SCUBE2: variants seen among roughly 807,000 people sequenced by gnomAD.
SCUBE2 encodes signal peptide, CUB domain and EGF like domain containing 2.
SCUBE2 carries 114 observed loss-of-function variants against 125.9 expected under a neutral mutation model. The ratio of observed to expected loss-of-function variants is 0.91; its 90% confidence interval spans 0.78 to 1.06. SCUBE2 has a LOEUF of 1.06. Ranked by LOEUF, SCUBE2 falls within the 50% of genes least tolerant of loss-of-function variation. SCUBE2 has a pLI of 0.00. For synonymous variants in SCUBE2, 459 were observed against 492.9 expected, an observed-to-expected ratio of 0.93 and a Z score of 0.91; for missense variants, 1,255 against 1,301.8, an observed-to-expected ratio of 0.96 and a Z score of 0.55.
Position 9,089,731 on chromosome 11 carries a change from G to C in SCUBE2, c.232C>G (p.Gln78Glu), listed in dbSNP as rs536671206. Residue 78 changes from glutamine (Q) to glutamate (E), a missense_variant, in exon 2 of 23, where the codon CAA becomes GAA. This residue lies in a region of SCUBE2 where 362 missense variants were observed against 323.0 expected (regional missense o/e 1.12). Transcript: ENST00000649792. ...SYKCSCKPGY[Q>E]GEGRQCEDID... is the part of the protein sequence containing the mutation. ...CCCTCACACTGCCTGCCTTCCCCTT[G>C]GTAGCCAGGCTTGCAGGAGCACTTG... The C allele has an allele frequency of 1.2e-6, 2 of 1,613,766 alleles. No individual in the cohort carries two copies. The highest frequency in any genetic ancestry group is 2.2e-5 in the South Asian group (2 of 91,036).
Position 9,029,902 on chromosome 11 carries a change from T to G in SCUBE2, c.2485A>C (p.Asn829His). The G allele has an allele frequency of 6.2e-7, 1 of 1,614,174 alleles. No homozygotes were observed. The highest frequency in any genetic ancestry group is 1.1e-5 in the South Asian group (1 of 91,080). ...NTTTDFDGST[N>H]ITQCKNRRCG... is the part of the protein sequence containing the mutation. The stretch of plus-strand genomic sequence containing the variant: ...GACCTACTTTTACACTGGGTTATGT[T>G]TGTGGAGCCATCAAAGTCAGTCGTA... The change falls in exon 19 of 23, where the codon AAC (asparagine) becomes CAC (histidine). Residue 829 changes from asparagine to histidine, a missense_variant. Physicochemically the swap from Asn to His is moderately conservative, Grantham distance 68. This residue lies in a region of SCUBE2 where 515 missense variants were observed against 515.7 expected (regional missense o/e 1.00). Transcript: ENST00000649792.
intron 19 of SCUBE2, 128 bp downstream of exon 19, chr11:9,029,756 C>T (rs1856126893): frequency 1.0e-6 from 1 of 995,566 alleles, no homozygotes; most frequent in Middle Eastern, 2.2e-4. Flanking sequence ...TGGCTGTGAG[C>T]TGGGCTCATA....
At chr11:9,037,470 A>T (rs1856837311) in intron 16 of SCUBE2, among the ~76,000 whole-genome samples, 1 of 152,244 alleles carries the variant, frequency 6.6e-6, no homozygotes, top group African/African-American at 2.4e-5. Context: ...TTCAGGCTAT[A>T]GACAAACACT....
intron 16 of SCUBE2, among the ~76,000 whole-genome samples, chr11:9,043,082 T>A (rs893122512): frequency 6.6e-6 from 1 of 152,184 alleles, no homozygotes; most frequent in Non-Finnish European, 1.5e-5. Flanking sequence ...CTTAGCAACA[T>A]ATCCAAGGTT....
At chr11:9,040,607 G>T (rs543870717) in intron 16 of SCUBE2, among the ~76,000 whole-genome samples, 3 of 150,384 alleles carry the variant, frequency 2.0e-5, no homozygotes, top group Admixed American at 6.6e-5. Flanking sequence ...GGATGGGGAG[G>T]GTATACACCG....
rs1351948644 is a variant in SCUBE2 at position 9,053,892 on chromosome 11, T to C, written c.1208-133A>G. The C allele has an allele frequency of 5.5e-6, 6 of 1,099,656 alleles. No individual in the cohort carries two copies. In the Admixed American group the frequency reaches 1.1e-4, roughly 21 times the overall value. The allele number at this position is 1,099,656 out of a possible 1,614,324, so 68.1% of individuals were successfully genotyped here. ...TAACCAAAGGAAGACACTGAATGCC[T>C]TTAGCATGAGCGCTCGGCACCAGCT... On this transcript the variant is annotated intron_variant, in intron 10 of 22. Coordinates refer to ENST00000649792, the MANE Select transcript of SCUBE2 (RefSeq NM_001367977.2).
rs763894598 is a variant in SCUBE2, at chr11:9,025,823, G to C, written c.2733C>G (p.Thr911=). The C allele has an allele frequency of 4.3e-6, 7 of 1,614,028 alleles. No homozygotes were observed. The African/African-American group carries it at 9.3e-5, about 22-fold the overall frequency. ...CGATGGGGCGTTCGTAGGTCTGGCA[G>C]GTTTCATATGTTGTCACAGAATTGG... is the stretch of plus-strand genomic sequence containing the variant. ...SSSNSVTTYE[T]CQTYERPIAF... is the part of the protein sequence containing the mutation. The change falls in exon 21 of 23, where the codon ACC becomes ACG. Residue 911 remains threonine, a synonymous_variant. Coordinates refer to ENST00000649792, the MANE Select transcript of SCUBE2 (RefSeq NM_001367977.2).
chr11:9,073,989 CCTCGGAG>C (rs1861011718), intron 4 of SCUBE2, among the ~76,000 whole-genome samples: 1 of 152,154 alleles, frequency 6.6e-6, no homozygotes. Flanking sequence ...CCCTTCTGCC[CCTCGGAG>C]CTCAAAAATG....
In SCUBE2 at chr11:9,027,357, G is replaced by C. The variant is rs776181518; in HGVS notation, c.2701+7C>G. 24 of 1,613,652 alleles carry C rather than the reference G, an allele frequency of 1.5e-5. No homozygotes were observed. The South Asian group carries it at 2.6e-4, about 18-fold the overall frequency. On this transcript the variant is annotated splice_region_variant and intron_variant, in intron 20 of 22. Coordinates refer to ENST00000649792, the MANE Select transcript of SCUBE2 (RefSeq NM_001367977.2). ...CCTGAGAAAGGGAGGGAGGGAGTGA[G>C]ACGCACAGGTTTTCCGCATCACCAG...
In SCUBE2 at chr11:9,047,996, T is replaced by C; in HGVS notation, c.1742A>G (p.Glu581Gly). The C allele has an allele frequency of 2.5e-6, 4 of 1,614,142 alleles. No individual in the cohort carries two copies. The highest frequency in any genetic ancestry group is 3.4e-6 in the Non-Finnish European group (4 of 1,180,014). Residue 581 changes from glutamate to glycine, a missense_variant, in exon 15 of 23, where the codon GAA becomes GGA. By Grantham distance (98) the Glu-to-Gly change is moderately conservative. Around this residue, in one of 3 missense-constraint regions of SCUBE2, gnomAD observed 378 missense variants for 463.1 expected, o/e 0.82. Transcript: ENST00000649792. ...CTCAAACTCAACAGTGATAAACATT[T>C]CCTTAGGGGTGCTTGGTCGGCCAGG... ...GAPGRPSTPK[E>G]MFITVEFELE...
chr11:9,025,562 T>C, intron 21 of SCUBE2, 140 bp downstream of exon 21: 1 of 1,022,002 alleles, frequency 9.8e-7, no homozygotes, highest in East Asian at 2.5e-5. Context: ...ATTTGGCACT[T>C]GTGAGTCAGC....
chr11:9,020,944 G>C lies in SCUBE2; in HGVS notation c.*101C>G, dbSNP rs754234478. On this transcript the variant is annotated 3_prime_UTR_variant, in exon 23 of 23. Coordinates refer to ENST00000649792, the MANE Select transcript of SCUBE2 (RefSeq NM_001367977.2). ...TGAACTCTAATGAGTCACTGATACGGGAGGCAGCAATACCCGACTGTGCTG... is the reference window on the plus strand; with the variant it reads ...TGAACTCTAATGAGTCACTGATACGCGAGGCAGCAATACCCGACTGTGCTG... 1.1e-5 allele frequency: 11 copies of C among 1,024,022 alleles called. No individual in the cohort carries two copies. The South Asian group carries it at 2.5e-4, about 23-fold the overall frequency. The allele number at this position is 1,024,022 out of a possible 1,614,324, so 63.4% of individuals were successfully genotyped here.
chr11:9,072,614 A>G (rs1860899863), intron 4 of SCUBE2, among the ~76,000 whole-genome samples: 1 of 152,122 alleles, frequency 6.6e-6, no homozygotes, highest in Admixed American at 6.5e-5. Context: ...AAGAATCAAA[A>G]CCCTAGGATG....
intron 5 of SCUBE2, among the ~76,000 whole-genome samples, chr11:9,068,410 T>C (rs187176033): frequency 2.0e-5 from 3 of 152,246 alleles, no homozygotes; most frequent in Admixed American, 1.3e-4. Context: ...TAAACACAAG[T>C]GTACTGAGCA....
chr11:9,025,118 G>T (rs1039092578), intron 21 of SCUBE2, among the ~76,000 whole-genome samples: 1 of 152,184 alleles, frequency 6.6e-6, no homozygotes, highest in African/African-American at 2.4e-5. Context: ...CCAGGGCTCA[G>T]ATGGGCCACC....
rs189849114 is a variant in SCUBE2, at chr11:9,046,254, C to T, written c.2002+1102G>A. On this transcript the variant is annotated intron_variant, in intron 16 of 22. Coordinates refer to ENST00000649792, the MANE Select transcript of SCUBE2 (RefSeq NM_001367977.2). ...CGATCTCCTGACCTCGTGATCTGCC[C>T]GCCTTGGCCTCCCAAAGTGCTGGGA... 3.1e-3 allele frequency among the ~76,000 whole-genome samples: 474 copies of T among 152,080 alleles called. 1 individual carries two copies. Among genetic ancestry groups the T allele is most frequent in the African/African-American group, 9.5e-3 (394 of 41,476 alleles).
At chr11:9,044,446 A>G (rs1295834484) in intron 16 of SCUBE2, among the ~76,000 whole-genome samples, 1 of 152,002 alleles carries the variant, frequency 6.6e-6, no homozygotes, top group East Asian at 1.9e-4. Context: ...TGCCCAAACT[A>G]GTATTGAACT....
chr11:9,084,501 C>G (rs529782133), intron 2 of SCUBE2, among the ~76,000 whole-genome samples: 1 of 147,836 alleles, frequency 6.8e-6, no homozygotes, highest in South Asian at 2.2e-4. Flanking sequence ...AAAGTATCTC[C>G]CCTAAGAAAT....
At chr11:9,080,881 T>A (rs572746441) in intron 2 of SCUBE2, among the ~76,000 whole-genome samples, 1 of 151,884 alleles carries the variant, frequency 6.6e-6, no homozygotes, top group Admixed American at 6.6e-5. Flanking sequence ...GAAAAAAAAC[T>A]CTTACAACTC....
Sources: allele counts gnomAD v4.1 joint callset (sites outside exome capture counted in the v4.1 genomes callset), GRCh38; gene constraint gnomAD v4.1.1; regional missense constraint gnomAD v4.1.1; transcripts MANE v1.5; gene names NCBI Gene and HGNC (gene_info 2026-07-23, HGNC 2026-07-21).